The following NSRP1 variants were observed in gnomAD, a reference collection of about 807,000 sequenced individuals.
NSRP1 encodes the protein coiled-coil domain containing 55.
Under a neutral mutation model 54.7 loss-of-function variants are expected in NSRP1, and 24 were observed. The ratio of observed to expected loss-of-function variants is 0.44; its 90% CI spans 0.32 to 0.62. The LOEUF (loss-of-function observed/expected upper bound fraction) is 0.62, where lower values mean the gene tolerates loss of function less well. NSRP1 is among the 20% of genes least tolerant of loss of function. The pLI is 0.06. For synonymous variants in NSRP1, 210 were observed against 213.8 expected, an observed-to-expected ratio of 0.98 and a Z score of 0.15; for missense variants, 596 against 651.2, an observed-to-expected ratio of 0.92 and a Z score of 0.92.
chr17:30,130,442 T>C (rs571453226), intron 2 of NSRP1, among the ~76,000 whole-genome samples: 2 of 152,250 alleles, frequency 1.3e-5, no homozygotes, highest in South Asian at 4.1e-4. Context: ...CTGAGGTCTT[T>C]GACTTAATTT....
chr17:30,172,951 A>T lies in NSRP1; in HGVS notation c.171+353A>T, dbSNP rs371405270. Among the ~76,000 whole-genome samples, 4 of 151,632 alleles carry T rather than the reference A, an allele frequency of 2.6e-5. No individual in the cohort carries two copies. In the South Asian group the frequency reaches 8.3e-4, roughly 31 times the overall value. On this transcript the variant is annotated intron_variant, in intron 3 of 6. Coordinates refer to ENST00000247026, the MANE Select transcript of NSRP1 (RefSeq NM_032141.4). ...ATCAGAGATAGATACAAATATATAGATATATAGATATATAGATTTTTTTTT... is the reference window on the plus strand; with the variant it reads ...ATCAGAGATAGATACAAATATATAGTTATATAGATATATAGATTTTTTTTT...
Position 30,122,349 on chromosome 17 carries a change from T to TGTGTGTATATATA in NSRP1, c.114+4176_114+4177insGTGTGTATATATA, listed in dbSNP as rs1481107161. 1.5e-3 allele frequency: 105 copies of TGTGTGTATATATA among 72,308 alleles called. 1 individual carries two copies. The highest frequency in any genetic ancestry group is 5.1e-3 in the African/African-American group (89 of 17,608). 4.5% of individuals were successfully genotyped at this position (72,308 alleles called of 1,614,324 possible). A position where few individuals can be genotyped will look rare whatever the true frequency, so the allele number is the denominator to read the frequency against. ...TTTCTGGTTCATATGATAACTCTGG[T>TGTGTGTATATATA]TTCATATATATATATATATATATAT... On this transcript the variant is annotated intron_variant, in intron 2 of 6. Transcript: ENST00000247026.
intron 2 of NSRP1, among the ~76,000 whole-genome samples, chr17:30,130,146 A>G (rs774466247): frequency 6.6e-6 from 1 of 152,188 alleles, no homozygotes; most frequent in Non-Finnish European, 1.5e-5. Context: ...TCCAGGCTAG[A>G]GTGCAGTGGC....
chr17:30,182,728 A>T (rs1418170500), intron 6 of NSRP1, among the ~76,000 whole-genome samples: 1 of 152,036 alleles, frequency 6.6e-6, no homozygotes. Context: ...AGGTCAGGAG[A>T]TTGAGACCAT....
intron 2 of NSRP1, among the ~76,000 whole-genome samples, chr17:30,135,540 C>T (rs1026893229): frequency 6.6e-6 from 1 of 151,848 alleles, no homozygotes; most frequent in Non-Finnish European, 1.5e-5. Flanking sequence ...GTGGCGCGAT[C>T]TCGGCTCACT....
intron 2 of NSRP1, among the ~76,000 whole-genome samples, chr17:30,118,863 C>A (rs1003487351): frequency 6.6e-6 from 1 of 151,642 alleles, no homozygotes; most frequent in African/African-American, 2.4e-5. Context: ...ATTCTCTTGC[C>A]TAATCTTCCT....
At chr17:30,181,477 A>G (rs1905291741) in intron 6 of NSRP1, among the ~76,000 whole-genome samples, 1 of 147,766 alleles carries the variant, frequency 6.8e-6, no homozygotes, top group African/African-American at 2.5e-5. Flanking sequence ...ATCATAGCTC[A>G]CTGCAGCCTT....
At chr17:30,131,153 T>G (rs1256898408) in intron 2 of NSRP1, among the ~76,000 whole-genome samples, 1 of 152,376 alleles carries the variant, frequency 6.6e-6, no homozygotes, top group African/African-American at 2.4e-5. Flanking sequence ...CTACTAAGAT[T>G]AAACTTTTGT....
At chr17:30,163,756 A>G (rs956750834) in intron 2 of NSRP1, among the ~76,000 whole-genome samples, 1 of 139,990 alleles carries the variant, frequency 7.1e-6, no homozygotes, top group African/African-American at 2.6e-5. Context: ...ATCTCAGCTC[A>G]CTGCAACCTC....
intron 6 of NSRP1, among the ~76,000 whole-genome samples, chr17:30,184,138 GT>G (rs34775750): frequency 6.6e-6 from 1 of 152,194 alleles, no homozygotes; most frequent in Non-Finnish European, 1.5e-5. Flanking sequence ...GGAGGCAGAG[GT>G]TGCAGTGAAC....
chr17:30,177,233 T>C (rs1235391279), intron 3 of NSRP1, among the ~76,000 whole-genome samples: 1 of 152,016 alleles, frequency 6.6e-6, no homozygotes, highest in Non-Finnish European at 1.5e-5. Context: ...TAGCCAGGCA[T>C]GGTGGCACAC....
intron 2 of NSRP1, among the ~76,000 whole-genome samples, chr17:30,129,347 G>A (rs1326291870): frequency 6.6e-6 from 1 of 151,502 alleles, no homozygotes; most frequent in Admixed American, 6.6e-5. Flanking sequence ...TAGCATGGTA[G>A]TGTGAGTTTT....
chr17:30,132,427 G>A (rs1429207083), intron 2 of NSRP1, among the ~76,000 whole-genome samples: 4 of 151,786 alleles, frequency 2.6e-5, no homozygotes, highest in Non-Finnish European at 2.9e-5. Context: ...GGTGGCGTGC[G>A]CCTGTAATCC....
In NSRP1 at chr17:30,179,304, T is replaced by C; in HGVS notation, c.508+7T>C. The C allele has an allele frequency of 3.2e-6, 5 of 1,558,874 alleles. No homozygotes were observed. Among genetic ancestry groups the C allele is most frequent in the Non-Finnish European group, 4.3e-6 (5 of 1,155,496 alleles). ...AGGGCTGCTGCACTGGAAGGTAAAA[T>C]GAAAGAGTGGGAAAGGCACAAGGAA... is the stretch of plus-strand genomic sequence containing the variant. On this transcript the variant is annotated splice_region_variant and intron_variant, in intron 5 of 6. Transcript: ENST00000247026.
At chr17:30,182,501 G>T (rs1905341451) in intron 6 of NSRP1, among the ~76,000 whole-genome samples, 1 of 151,930 alleles carries the variant, frequency 6.6e-6, no homozygotes, top group Non-Finnish European at 1.5e-5. Flanking sequence ...AATTAGCTCG[G>T]CATTGTGGCA....
intron 3 of NSRP1, among the ~76,000 whole-genome samples, chr17:30,175,410 TTTTTG>T (rs578021076): frequency 1.4e-4 from 22 of 152,098 alleles, no homozygotes; most frequent in East Asian, 5.8e-4. Flanking sequence ...TTTTTGGGGT[TTTTTG>T]TTTTGTTTTG....
At chr17:30,118,058 A>C (rs370436936) in intron 1 of NSRP1, 22 bp from the exon 2 acceptor site, 1 of 1,588,562 alleles carries the variant, frequency 6.3e-7, no homozygotes. Context: ...TTTAATTTCT[A>C]TTTCAAAAAA....
intron 2 of NSRP1, chr17:30,168,263 C>T (rs1904808302): frequency 6.6e-6 from 1 of 152,060 alleles, no homozygotes; most frequent in Non-Finnish European, 1.5e-5. Context: ...TGTCATTTAG[C>T]TTACTTATCC....
chr17:30,185,548 T>G lies in NSRP1; in HGVS notation c.1551T>G (p.Pro517=). The G allele has an allele frequency of 6.2e-7, 1 of 1,614,074 alleles. No homozygotes were observed. Residue 517 remains proline (P), a synonymous_variant, in exon 7 of 7, where the codon CCT becomes CCG. Transcript: ENST00000247026. ...QEKGKEQERP[P]EAVSKFAKRN... ...AGGGTAAAGAACAAGAGAGACCACC[T>G]GAGGCAGTGAGCAAGTTTGCAAAGC...
Sources: gnomAD v4.1 joint callset for allele counts (sites outside exome capture counted in the v4.1 genomes callset) on GRCh38, gnomAD v4.1.1 for gene constraint, MANE v1.5 for transcripts, NCBI Gene and HGNC (gene_info 2026-07-23, HGNC 2026-07-21) for gene names.